The following ABCB4 variants were observed in gnomAD, a reference collection of about 807,000 sequenced individuals.
ABCB4 encodes phosphatidylcholine translocator ABCB4.
In ABCB4, 76 loss-of-function variants were observed where a neutral mutation model predicts 145.7. The ratio of observed to expected loss-of-function variants is 0.52; its 90% CI spans 0.43 to 0.63. The LOEUF is 0.63. Ranked by LOEUF, ABCB4 falls within the 30% of genes least tolerant of loss-of-function variation. ABCB4 has a pLI of 0.00. For synonymous variants in ABCB4, 517 were observed against 566.8 expected (o/e 0.91, Z 1.25); for missense variants, 1,234 against 1,553.1 (o/e 0.79, Z 3.45).
chr7:87,415,561 G>T (rs1366217989), intron 21 of ABCB4, among the ~76,000 whole-genome samples: 1 of 152,032 alleles, frequency 6.6e-6, no homozygotes, highest in Non-Finnish European at 1.5e-5. Flanking sequence ...AAACTGGCCA[G>T]TCTGAGTTAT....
the ABCB4 span, among the ~76,000 whole-genome samples, chr7:87,373,926 C>A: frequency 6.6e-6 from 1 of 151,912 alleles, no homozygotes; most frequent in African/African-American, 2.4e-5. Context: ...ACATTCATAC[C>A]TGAGTGTCAA....
chr7:87,434,047 G>C (rs1810435528), intron 14 of ABCB4, among the ~76,000 whole-genome samples: 2 of 150,750 alleles, frequency 1.3e-5, no homozygotes, highest in African/African-American at 4.9e-5. Context: ...CCCTGCCTCA[G>C]CTTCCCCAGT....
chr7:87,408,377 T>C (rs1157998428), intron 24 of ABCB4, 143 bp from the exon 25 acceptor site: 2 of 877,750 alleles, frequency 2.3e-6, no homozygotes, highest in East Asian at 2.6e-5. Flanking sequence ...CCAGTTAATA[T>C]TGATAGCAAG....
chr7:87,412,392 G>A (rs973633461), intron 22 of ABCB4, among the ~76,000 whole-genome samples: 3 of 152,136 alleles, frequency 2.0e-5, no homozygotes, highest in Non-Finnish European at 2.9e-5. Flanking sequence ...ATTTAAGTTT[G>A]AATTATCTGA....
At chr7:87,372,005 A>ACC in the ABCB4 span, among the ~76,000 whole-genome samples, 14 of 106,830 alleles carry the variant, frequency 1.3e-4, no homozygotes, top group African/African-American at 4.0e-4. Context: ...AAAAAAAAAA[A>ACC]ACAAAAAAAA....
intron 14 of ABCB4, among the ~76,000 whole-genome samples, chr7:87,434,476 G>A (rs752303040): frequency 1.1e-4 from 17 of 152,128 alleles, no homozygotes; most frequent in South Asian, 2.1e-4. Context: ...AGGGCCGGGC[G>A]CGGTGGCTCA....
rs749929818 is a variant in ABCB4, at chr7:87,475,442, G to A, written c.24C>T (p.Asn8=). The change falls in exon 2 of 28, where the codon AAC becomes AAT. Residue 8 remains asparagine, a synonymous_variant. Transcript: ENST00000649586. MDLEAAK[N]GTAWRPTSAE... ...CGCTCGTGGGGCGCCAGGCTGTTCCGTTCTTTGCCGCCTCAAGATCCATCT... is the reference window on the plus strand; with the variant it reads ...CGCTCGTGGGGCGCCAGGCTGTTCCATTCTTTGCCGCCTCAAGATCCATCT... 3.7e-6 allele frequency: 6 copies of A among 1,614,160 alleles called. No homozygotes were observed. The highest frequency in any genetic ancestry group is 3.3e-5 in the Admixed American group (2 of 60,026).
intron 15 of ABCB4, among the ~76,000 whole-genome samples, chr7:87,428,768 T>C (rs1371066965): frequency 2.6e-5 from 4 of 152,218 alleles, no homozygotes; most frequent in Non-Finnish European, 1.5e-5. Context: ...ATAAGCTCAA[T>C]CTTATAAATA....
downstream of ABCB4, chr7:87,398,701 G>T: frequency 6.5e-7 from 1 of 1,543,826 alleles, no homozygotes; most frequent in South Asian, 1.2e-5. Context: ...AGTGCTGGGA[G>T]TGAGTTGGTA....
chr7:87,423,558 C>T, intron 17 of ABCB4: 1 of 358,312 alleles, frequency 2.8e-6, no homozygotes, highest in South Asian at 2.4e-5. Context: ...TTTAACCCCT[C>T]CCTGCTCCAC....
chr7:87,470,077 T>C (rs1176765181), intron 3 of ABCB4, among the ~76,000 whole-genome samples: 1 of 152,116 alleles, frequency 6.6e-6, no homozygotes, highest in South Asian at 2.1e-4. Flanking sequence ...CATCTACAAC[T>C]ATCTGATCTT....
intron 14 of ABCB4, among the ~76,000 whole-genome samples, 174 bp downstream of exon 14, chr7:87,439,493 C>G (rs1318140986): frequency 6.6e-6 from 1 of 152,142 alleles, no homozygotes; most frequent in Admixed American, 6.5e-5. Flanking sequence ...AGTCAGTACC[C>G]TTCACCTGTC....
chr7:87,377,347 A>T, the ABCB4 span: 1 of 1,574,420 alleles, frequency 6.4e-7, no homozygotes, highest in Non-Finnish European at 8.7e-7. Context: ...AATTTATTTT[A>T]GATTATTGCA....
intron 17 of ABCB4, 162 bp downstream of exon 17, chr7:87,423,744 A>G: frequency 2.5e-6 from 2 of 790,312 alleles, no homozygotes; most frequent in East Asian, 2.5e-5. Flanking sequence ...AAGGCTACTT[A>G]TCTTTTCCCT....
chr7:87,417,351 A>G lies in ABCB4; in HGVS notation c.2643T>C (p.Asn881=). ...GIVEMKLLAG[N]AKRDKKELEA... ...CCAGTTCTTTTTTATCTCTTTTGGC[A>G]TTTCCAGCCAACAATTTCATTTCAA... The change falls in exon 21 of 28, where the codon AAT becomes AAC. Residue 881 remains asparagine (N), a synonymous_variant. Coordinates refer to ENST00000649586, the MANE Select transcript of ABCB4 (RefSeq NM_000443.4). 1.2e-6 allele frequency: 2 copies of G among 1,614,116 alleles called. No individual in the cohort carries two copies. The highest frequency in any genetic ancestry group is 1.7e-6 in the Non-Finnish European group (2 of 1,179,996).
intron 26 of ABCB4, among the ~76,000 whole-genome samples, chr7:87,405,560 G>A (rs1283861884): frequency 1.3e-5 from 2 of 151,624 alleles, no homozygotes; most frequent in African/African-American, 4.9e-5. Context: ...CTGAGTAGCT[G>A]CAACTACAGG....
the ABCB4 span, chr7:87,391,711 A>G: frequency 1.2e-6 from 2 of 1,604,810 alleles, no homozygotes; most frequent in Non-Finnish European, 1.7e-6. Flanking sequence ...CCTTCTGTCA[A>G]TGTGAGTATT....
Position 87,451,638 on chromosome 7 carries a change from T to C in ABCB4, c.693A>G (p.Ala231=), listed in dbSNP as rs768508934. ...TTTCACATACCTTTGCCCAAACGGCTGCAGAGAGTCCTAGAATAGGGCTGA... is the reference window on the plus strand; with the variant it reads ...TTTCACATACCTTTGCCCAAACGGCCGCAGAGAGTCCTAGAATAGGGCTGA... The part of the protein sequence containing the change: ...MAISPILGLS[A]AVWAKILSAF... The change falls in exon 7 of 28, where the codon GCA becomes GCG. Residue 231 remains alanine (A), a synonymous_variant. Transcript: ENST00000649586. 13 of 1,614,048 alleles carry C rather than the reference T, an allele frequency of 8.1e-6. No homozygotes were observed. Among genetic ancestry groups the C allele is most frequent in the Non-Finnish European group, 1.1e-5 (13 of 1,180,032 alleles).
chr7:87,385,207 T>C, the ABCB4 span, among the ~76,000 whole-genome samples: 1 of 151,564 alleles, frequency 6.6e-6, no homozygotes, highest in African/African-American at 2.4e-5. Context: ...AATTTTTGGA[T>C]TTTTTTTTCC....
Sources: allele counts gnomAD v4.1 joint callset (sites outside exome capture counted in the v4.1 genomes callset), GRCh38; gene constraint gnomAD v4.1.1; transcripts MANE v1.5; gene names NCBI Gene and HGNC (gene_info 2026-07-23, HGNC 2026-07-21).